Variants in SCAPER observed in about 807,000 individuals in gnomAD.
SCAPER encodes S-phase cyclin A associated protein in the ER.
Under a neutral mutation model 182.2 loss-of-function variants are expected in SCAPER, and 98 were observed. That is an observed-to-expected ratio of 0.54 (90% CI 0.46 to 0.64). The LOEUF (loss-of-function observed/expected upper bound fraction) is 0.64. SCAPER is among the 30% of genes least tolerant of loss of function. SCAPER has a pLI of 0.00. For synonymous variants in SCAPER, 605 were observed against 564.6 expected (o/e 1.07, Z -1.01); for missense variants, 1,432 against 1,690.0 (o/e 0.85, Z 2.68).
chr15:76,608,397 C>T (rs891834670), intron 22 of SCAPER, among the ~76,000 whole-genome samples: 1 of 152,118 alleles, frequency 6.6e-6, no homozygotes, highest in Non-Finnish European at 1.5e-5. Context: ...CAGAGGAGTA[C>T]CCGGTCGTGT....
At chr15:76,485,754 T>C (rs953786735) in intron 24 of SCAPER, among the ~76,000 whole-genome samples, 1 of 152,128 alleles carries the variant, frequency 6.6e-6, no homozygotes, top group African/African-American at 2.4e-5. Context: ...ATCTAATCTT[T>C]GACACACCTG....
chr15:76,450,622 C>T (rs1321932793), intron 25 of SCAPER, among the ~76,000 whole-genome samples: 3 of 152,130 alleles, frequency 2.0e-5, no homozygotes, highest in African/African-American at 4.8e-5. Context: ...AGCCCAATCT[C>T]GGCTCACTGC....
chr15:76,489,209 A>T (rs2052023582), intron 24 of SCAPER, among the ~76,000 whole-genome samples: 1 of 138,774 alleles, frequency 7.2e-6, no homozygotes, highest in Admixed American at 7.1e-5. Flanking sequence ...GTGCAAAAGT[A>T]ATTGTGGTTT....
intron 25 of SCAPER, among the ~76,000 whole-genome samples, chr15:76,469,853 T>C (rs943511406): frequency 1.3e-5 from 2 of 152,206 alleles, no homozygotes; most frequent in African/African-American, 4.8e-5. Context: ...CAACAAATGT[T>C]ATCTTTTCTC....
chr15:76,830,519 G>C (rs1269864322), intron 5 of SCAPER, among the ~76,000 whole-genome samples: 1 of 152,040 alleles, frequency 6.6e-6, no homozygotes, highest in Non-Finnish European at 1.5e-5. Flanking sequence ...GGACTGGAAA[G>C]AATTAGGAGG....
intron 1 of SCAPER, among the ~76,000 whole-genome samples, chr15:76,904,337 G>T (rs747895573): frequency 6.6e-6 from 1 of 152,194 alleles, no homozygotes; most frequent in Non-Finnish European, 1.5e-5. Context: ...AGTTAATGAT[G>T]AAATTAATCC....
intron 29 of SCAPER, among the ~76,000 whole-genome samples, chr15:76,357,649 G>A (rs1287590596): frequency 6.6e-6 from 1 of 152,176 alleles, no homozygotes; most frequent in Non-Finnish European, 1.5e-5. Context: ...GTTTATGACA[G>A]CACTATTCAC....
At chr15:76,548,587 C>A (rs1641637341) in intron 23 of SCAPER, among the ~76,000 whole-genome samples, 1 of 152,158 alleles carries the variant, frequency 6.6e-6, no homozygotes, top group Admixed American at 6.5e-5. Flanking sequence ...GGTGAGTATT[C>A]TCAAGGCAAA....
chr15:76,689,355 G>C (rs2058218409), intron 20 of SCAPER, among the ~76,000 whole-genome samples: 1 of 152,048 alleles, frequency 6.6e-6, no homozygotes, highest in Non-Finnish European at 1.5e-5. Flanking sequence ...TAGCAAGTTT[G>C]ATTAAGGCAA....
intron 15 of SCAPER, 42 bp from the exon 16 acceptor site, chr15:76,733,426 T>C (rs2061044345): frequency 6.3e-7 from 1 of 1,588,554 alleles, no homozygotes; most frequent in Non-Finnish European, 8.5e-7. Flanking sequence ...TCAAGTTAAT[T>C]CTAGGGCACA....
intron 29 of SCAPER, among the ~76,000 whole-genome samples, chr15:76,358,595 C>T (rs1006875650): frequency 1.7e-4 from 26 of 152,280 alleles, no homozygotes; most frequent in African/African-American, 5.8e-4. Context: ...ATTTAGAGAG[C>T]GAGATCTCTC....
chr15:76,495,993 G>GACACACACACAC (rs971206080), intron 24 of SCAPER, among the ~76,000 whole-genome samples: 6 of 58,506 alleles, frequency 1.0e-4, no homozygotes, highest in African/African-American at 3.4e-4. Flanking sequence ...AAAAGAGAGA[G>GACACACACACAC]ACACACACAC....
chr15:76,466,204 A>C (rs1365402329), intron 25 of SCAPER, among the ~76,000 whole-genome samples: 1 of 151,722 alleles, frequency 6.6e-6, no homozygotes, highest in Non-Finnish European at 1.5e-5. Context: ...TAATGTGTAT[A>C]ATGGGTTGGC....
At chr15:76,734,605 G>A (rs1210421751) in intron 15 of SCAPER, among the ~76,000 whole-genome samples, 1 of 152,172 alleles carries the variant, frequency 6.6e-6, no homozygotes, top group Non-Finnish European at 1.5e-5. Context: ...TAGGCCAGGT[G>A]TGGTGGCTAC....
At chr15:76,482,087 G>T (rs1304853087) in intron 24 of SCAPER, among the ~76,000 whole-genome samples, 1 of 151,678 alleles carries the variant, frequency 6.6e-6, no homozygotes, top group Non-Finnish European at 1.5e-5. Flanking sequence ...TTTTTTTCAG[G>T]TTAGTAGTCA....
chr15:76,500,709 C>T (rs762701962), intron 24 of SCAPER, among the ~76,000 whole-genome samples: 1 of 152,040 alleles, frequency 6.6e-6, no homozygotes, highest in Non-Finnish European at 1.5e-5. Flanking sequence ...TATGATGAAC[C>T]ACTATTATTA....
chr15:76,724,659 G>A (rs1018356388), intron 17 of SCAPER, among the ~76,000 whole-genome samples: 8 of 151,800 alleles, frequency 5.3e-5, no homozygotes, highest in African/African-American at 1.2e-4. Context: ...TTCTCTTCAC[G>A]CTTCATTTCA....
chr15:76,421,718 T>G (rs2046058513), intron 26 of SCAPER, among the ~76,000 whole-genome samples: 1 of 152,224 alleles, frequency 6.6e-6, no homozygotes, highest in Non-Finnish European at 1.5e-5. Flanking sequence ...CTGAATGGTA[T>G]TGCCTAGGTT....
At chr15:76,688,555 T>G (rs2058162871) in intron 20 of SCAPER, among the ~76,000 whole-genome samples, 1 of 152,188 alleles carries the variant, frequency 6.6e-6, no homozygotes, top group Non-Finnish European at 1.5e-5. Context: ...CTTCTACAAT[T>G]TTTATGGTTT....
Sources: gnomAD v4.1 joint callset for allele counts (sites outside exome capture counted in the v4.1 genomes callset) on GRCh38, gnomAD v4.1.1 for gene constraint, MANE v1.5 for transcripts, NCBI Gene and HGNC (gene_info 2026-07-23, HGNC 2026-07-21) for gene names.